Variants in CCDC158 observed in about 807,000 individuals in gnomAD.
CCDC158 encodes coiled-coil domain-containing protein 158.
CCDC158 carries 116 observed loss-of-function variants against 138.6 expected under a neutral mutation model. The observed-to-expected ratio is 0.84, with a 90% CI of 0.72 to 0.98. The LOEUF is 0.98. Ranked by LOEUF, CCDC158 falls within the 50% of genes least tolerant of loss-of-function variation. CCDC158 has a pLI of 0.00. For synonymous variants in CCDC158, 436 were observed against 442.4 expected (o/e 0.99, Z 0.18); for missense variants, 1,265 against 1,306.1 (o/e 0.97, Z 0.48).
At chr4:76,397,543 C>A (rs1029921384) in intron 3 of CCDC158, among the ~76,000 whole-genome samples, 1 of 152,104 alleles carries the variant, frequency 6.6e-6, no homozygotes, top group African/African-American at 2.4e-5. Flanking sequence ...CACTGTACAG[C>A]CAGCCTTAGT....
Position 76,384,434 on chromosome 4 carries a change from A to G in CCDC158, c.399-19T>C. ...CCTTCGTCTATGAAATAAATGAAAGAAAATAAATAACATTGATAAAACTCA... is the reference window on the plus strand; with the variant it reads ...CCTTCGTCTATGAAATAAATGAAAGGAAATAAATAACATTGATAAAACTCA... On this transcript the variant is annotated intron_variant, in intron 5 of 24. Transcript: ENST00000682701. 1 of 1,592,594 alleles carries G rather than the reference A, an allele frequency of 6.3e-7. No homozygotes were observed. Among genetic ancestry groups the G allele is most frequent in the East Asian group, 2.2e-5 (1 of 44,628 alleles).
intron 22 of CCDC158, among the ~76,000 whole-genome samples, chr4:76,327,048 A>G (rs1221753051): frequency 6.6e-6 from 1 of 152,160 alleles, no homozygotes; most frequent in African/African-American, 2.4e-5. Flanking sequence ...GAAAGTTGGA[A>G]GGATAGTGAA....
At chr4:76,362,800 A>G (rs1236702561) in intron 12 of CCDC158, among the ~76,000 whole-genome samples, 1 of 152,190 alleles carries the variant, frequency 6.6e-6, no homozygotes, top group African/African-American at 2.4e-5. Context: ...AAACAAAACA[A>G]TGTCTTTGTC....
At chr4:76,413,682 G>A (rs1729474648) in intron 1 of CCDC158, among the ~76,000 whole-genome samples, 1 of 152,058 alleles carries the variant, frequency 6.6e-6, no homozygotes, top group African/African-American at 2.4e-5. Flanking sequence ...AATGGCAACT[G>A]CCACTGGTAT....
intron 1 of CCDC158, among the ~76,000 whole-genome samples, chr4:76,416,562 T>C (rs1009802408): frequency 3.9e-5 from 6 of 152,074 alleles, no homozygotes; most frequent in Middle Eastern, 3.2e-3. Flanking sequence ...AAAAGTGGTT[T>C]TGTGGGCTGA....
At chr4:76,369,715 T>C (rs1725058838) in intron 10 of CCDC158, 92 bp from the exon 11 acceptor site, 2 of 1,109,280 alleles carry the variant, frequency 1.8e-6, no homozygotes, top group African/African-American at 3.2e-5. Flanking sequence ...AGTTTTTATG[T>C]GATTTCAGAC....
chr4:76,375,960 T>G (rs1725678108), intron 9 of CCDC158, among the ~76,000 whole-genome samples: 1 of 152,188 alleles, frequency 6.6e-6, no homozygotes, highest in Non-Finnish European at 1.5e-5. Flanking sequence ...AATGAAGAAA[T>G]CTGACCTTGG....
intron 18 of CCDC158, among the ~76,000 whole-genome samples, chr4:76,341,978 T>C (rs1291693479): frequency 6.6e-6 from 1 of 152,070 alleles, no homozygotes; most frequent in East Asian, 1.9e-4. Context: ...CAATCAGCTG[T>C]ATAATGTAGA....
chr4:76,396,480 G>A lies in CCDC158; in HGVS notation c.77C>T (p.Ser26Leu), dbSNP rs757640380. ...AATAGATGACACAAAAAATGAACTT[G>A]AAGAACCTAAATATTAAAGAATTCA... ...SSGVTSNGGSSSSFFVSSIRG... is the reference protein window; with the variant it reads ...SSGVTSNGGSLSSFFVSSIRG... The change falls in exon 4 of 25, where the codon TCA (serine) becomes TTA (leucine). Residue 26 changes from serine (S) to leucine (L), a missense_variant. Transcript: ENST00000682701. 19 of 1,599,546 alleles carry A rather than the reference G, an allele frequency of 1.2e-5. No individual in the cohort carries two copies. In the East Asian group the frequency reaches 3.8e-4, roughly 32 times the overall value.
chr4:76,400,848 G>A (rs183621411), intron 3 of CCDC158, among the ~76,000 whole-genome samples: 1 of 152,244 alleles, frequency 6.6e-6, no homozygotes, highest in East Asian at 1.9e-4. Context: ...GAGTGCAAGA[G>A]AATAATAAAG....
At chr4:76,367,050 A>T (rs1464183114) in intron 12 of CCDC158, among the ~76,000 whole-genome samples, 1 of 152,160 alleles carries the variant, frequency 6.6e-6, no homozygotes, top group Admixed American at 6.5e-5. Flanking sequence ...GAAAGACTTC[A>T]TAGATTTTCT....
At chr4:76,342,239 T>C (rs1275985222) in intron 18 of CCDC158, among the ~76,000 whole-genome samples, 2 of 152,136 alleles carry the variant, frequency 1.3e-5, no homozygotes, top group Non-Finnish European at 2.9e-5. Flanking sequence ...GAGGTCTCAC[T>C]ACTTTGCCCA....
intron 24 of CCDC158, among the ~76,000 whole-genome samples, chr4:76,319,952 C>A (rs180744108): frequency 6.6e-6 from 1 of 151,992 alleles, no homozygotes; most frequent in African/African-American, 2.4e-5. Flanking sequence ...AGCAGTCAGA[C>A]GAGAGAAAGA....
intron 14 of CCDC158, chr4:76,356,467 C>T (rs542907379): frequency 2.6e-5 from 4 of 151,964 alleles, no homozygotes; most frequent in South Asian, 2.1e-4. Context: ...TTGTAATGTC[C>T]CTGGGGTGGT....
intron 9 of CCDC158, chr4:76,375,525 T>C: frequency 2.9e-6 from 2 of 701,566 alleles, no homozygotes; most frequent in East Asian, 2.7e-5. Context: ...AAATCATCAC[T>C]TTTTTAATAC....
At chr4:76,378,600 C>T (rs1725935664) in intron 9 of CCDC158, among the ~76,000 whole-genome samples, 1 of 152,128 alleles carries the variant, frequency 6.6e-6, no homozygotes, top group Admixed American at 6.5e-5. Flanking sequence ...GGTGATCACC[C>T]TTCTCACAGG....
At chr4:76,398,392 C>T (rs760450924) in intron 3 of CCDC158, among the ~76,000 whole-genome samples, 3 of 152,060 alleles carry the variant, frequency 2.0e-5, no homozygotes, top group Admixed American at 1.3e-4. Context: ...CTTGGCCGGG[C>T]GTGGTGGCTC....
chr4:76,409,226 C>T (rs573461828), intron 2 of CCDC158, among the ~76,000 whole-genome samples: 1 of 152,126 alleles, frequency 6.6e-6, no homozygotes, highest in East Asian at 1.9e-4. Context: ...TGTTTCTCTA[C>T]TTTTGTGACA....
intron 13 of CCDC158, 54 bp from the exon 14 acceptor site, chr4:76,357,580 A>G: frequency 9.1e-7 from 1 of 1,095,538 alleles, no homozygotes; most frequent in Non-Finnish European, 1.2e-6. Flanking sequence ...TCCCATTGTT[A>G]ATTAAGTATA....
Sources: gnomAD v4.1 joint callset for allele counts (sites outside exome capture counted in the v4.1 genomes callset) on GRCh38, gnomAD v4.1.1 for gene constraint, MANE v1.5 for transcripts, NCBI Gene and HGNC (gene_info 2026-07-23, HGNC 2026-07-21) for gene names.